The following CADPS2 variants were observed in gnomAD, a reference collection of about 807,000 sequenced individuals.
CADPS2 encodes the protein calcium dependent secretion activator 2, also known as calcium-dependent secretion activator 2.
CADPS2 carries 93 observed loss-of-function variants against 172.5 expected under a neutral mutation model. The observed-to-expected ratio is 0.54, with a 90% CI of 0.46 to 0.64. The LOEUF (loss-of-function observed/expected upper bound fraction) is 0.64. Among genes scored for constraint, CADPS2 ranks in the 30% least tolerant of loss-of-function variants. The probability of loss-of-function intolerance (pLI) is 0.00; values close to 1 mark genes in which losing one functional copy is unlikely to be tolerated. For missense variants in CADPS2, 1,420 were observed against 1,565.9 expected (o/e 0.91, Z 1.57); for synonymous variants, 546 against 555.2 (o/e 0.98, Z 0.23).
chr7:122,320,414 T>G, intron 29 of CADPS2, 76 bp from the exon 30 acceptor site: 2 of 1,175,676 alleles, frequency 1.7e-6, no homozygotes, highest in Non-Finnish European at 1.1e-6. Context: ...CAGTTGGCAT[T>G]TCAAAAATGA....
Position 122,474,370 on chromosome 7 carries a change from CT to C in CADPS2, c.1998+10del, listed in dbSNP as rs1224234731. On this transcript the variant is annotated intron_variant, in intron 13 of 29. Coordinates refer to ENST00000449022, the MANE Select transcript of CADPS2 (RefSeq NM_017954.11). Reference sequence around the variant, plus strand: ...TCCAACTTATAGGGGACTAGATAGACTTGTACTCACCAAGCAAGAATAGGAA... The same window carrying C: ...TCCAACTTATAGGGGACTAGATAGACTGTACTCACCAAGCAAGAATAGGAA... 2 of 1,612,844 alleles carry C rather than the reference CT, an allele frequency of 1.2e-6. No homozygotes were observed. Among genetic ancestry groups the C allele is most frequent in the Non-Finnish European group, 1.7e-6 (2 of 1,179,242 alleles).
At chr7:122,680,267 T>C (rs1391486212) in intron 2 of CADPS2, among the ~76,000 whole-genome samples, 3 of 152,230 alleles carry the variant, frequency 2.0e-5, no homozygotes, top group African/African-American at 4.8e-5. Context: ...TTAAAACTAA[T>C]AGCAAATAAT....
chr7:122,718,942 G>A (rs1046809315), intron 2 of CADPS2, among the ~76,000 whole-genome samples: 1 of 152,104 alleles, frequency 6.6e-6, no homozygotes, highest in African/African-American at 2.4e-5. Context: ...CTGGATTTAT[G>A]ATAATAATTA....
intron 8 of CADPS2, among the ~76,000 whole-genome samples, chr7:122,516,683 T>C (rs1423741884): frequency 1.3e-5 from 2 of 152,078 alleles, no homozygotes; most frequent in Admixed American, 6.6e-5. Context: ...GAATTACTAA[T>C]GATATGGGAA....
At chr7:122,724,599 C>T (rs1164010015) in intron 2 of CADPS2, among the ~76,000 whole-genome samples, 2 of 152,022 alleles carry the variant, frequency 1.3e-5, no homozygotes, top group Non-Finnish European at 2.9e-5. Context: ...AATCATCAAC[C>T]ATCCTTGGAG....
intron 3 of CADPS2, among the ~76,000 whole-genome samples, chr7:122,646,878 TGGCA>T (rs991000351): frequency 6.6e-6 from 1 of 152,086 alleles, no homozygotes; most frequent in African/African-American, 2.4e-5. Context: ...TCTCCAGCTA[TGGCA>T]ATTGCTATGA....
chr7:122,511,409 A>G (rs182084300), intron 9 of CADPS2, among the ~76,000 whole-genome samples: 5 of 152,308 alleles, frequency 3.3e-5, no homozygotes, highest in Non-Finnish European at 5.9e-5. Context: ...CCTGGCAAAA[A>G]GCATGAGGTG....
chr7:122,515,312 C>G (rs2060276559), intron 8 of CADPS2, among the ~76,000 whole-genome samples: 1 of 152,048 alleles, frequency 6.6e-6, no homozygotes, highest in South Asian at 2.1e-4. Flanking sequence ...CCCCTTAAAA[C>G]CCTTTGCTCC....
intron 3 of CADPS2, among the ~76,000 whole-genome samples, chr7:122,655,665 C>T (rs995008266): frequency 2.6e-4 from 40 of 152,098 alleles, no homozygotes; most frequent in African/African-American, 8.9e-4. Context: ...TGGTCTGGAA[C>T]TGGACCCACA....
chr7:122,376,268 C>T (rs1264733767), intron 25 of CADPS2, among the ~76,000 whole-genome samples: 1 of 152,130 alleles, frequency 6.6e-6, no homozygotes, highest in East Asian at 1.9e-4. Context: ...AGAGAGATAT[C>T]TGCACTCTCA....
At chr7:122,842,528 A>G (rs1810844865) in intron 1 of CADPS2, among the ~76,000 whole-genome samples, 1 of 152,170 alleles carries the variant, frequency 6.6e-6, no homozygotes, top group Non-Finnish European at 1.5e-5. Flanking sequence ...TCAAAAACCA[A>G]AAATTCAAGA....
chr7:122,455,684 G>T (rs1009374662), intron 14 of CADPS2, among the ~76,000 whole-genome samples: 1 of 151,914 alleles, frequency 6.6e-6, no homozygotes, highest in South Asian at 2.1e-4. Flanking sequence ...AATTAACAGG[G>T]TATAAATTAT....
intron 1 of CADPS2, among the ~76,000 whole-genome samples, chr7:122,785,121 T>C (rs900546305): frequency 2.9e-4 from 44 of 152,214 alleles, no homozygotes; most frequent in African/African-American, 1.0e-3. Flanking sequence ...TCCCTTGTGT[T>C]ACTTAATTAG....
chr7:122,567,979 A>G (rs62474632), intron 7 of CADPS2, among the ~76,000 whole-genome samples: 2 of 152,190 alleles, frequency 1.3e-5, no homozygotes, highest in Non-Finnish European at 2.9e-5. Flanking sequence ...CCCAGTTAAA[A>G]GGCAGAGGTG....
chr7:122,337,994 G>C (rs1211452035), intron 28 of CADPS2, among the ~76,000 whole-genome samples: 1 of 152,222 alleles, frequency 6.6e-6, no homozygotes, highest in African/African-American at 2.4e-5. Flanking sequence ...CAACATGTGA[G>C]ATGAATAAGA....
chr7:122,715,505 T>G (rs1353878053), intron 2 of CADPS2, among the ~76,000 whole-genome samples: 1 of 152,112 alleles, frequency 6.6e-6, no homozygotes, highest in Non-Finnish European at 1.5e-5. Context: ...ATTCTGCCTA[T>G]GCCTTAAAAA....
intron 28 of CADPS2, among the ~76,000 whole-genome samples, chr7:122,344,069 C>A (rs1461408033): frequency 6.6e-6 from 1 of 152,220 alleles, no homozygotes; most frequent in South Asian, 2.1e-4. Flanking sequence ...AGATAAAATT[C>A]ATTTTGACCA....
At chr7:122,611,237 T>C (rs140768418) in intron 6 of CADPS2, among the ~76,000 whole-genome samples, 17 of 151,816 alleles carry the variant, frequency 1.1e-4, no homozygotes, top group Admixed American at 9.8e-4. Context: ...AACAGAAAAA[T>C]AGGAGAGAGT....
chr7:122,707,470 A>T (rs2087770302), intron 2 of CADPS2, among the ~76,000 whole-genome samples: 1 of 152,040 alleles, frequency 6.6e-6, no homozygotes, highest in Non-Finnish European at 1.5e-5. Context: ...AAAGCAAAAC[A>T]GATAAATACA....
Sources: allele counts gnomAD v4.1 joint callset (sites outside exome capture counted in the v4.1 genomes callset), GRCh38; gene constraint gnomAD v4.1.1; transcripts MANE v1.5; gene names NCBI Gene and HGNC (gene_info 2026-07-23, HGNC 2026-07-21).